Variants in LRRC27 observed in about 807,000 individuals in gnomAD.
LRRC27 encodes the protein leucine rich repeat containing 27.
A neutral mutation model predicts 55.0 loss-of-function variants in LRRC27; 57 were observed. That is an observed-to-expected ratio of 1.04 (90% CI 0.84 to 1.29). LRRC27 has a LOEUF of 1.29. Ranked by LOEUF, LRRC27 falls within the 50% of genes most tolerant of loss-of-function variation. The pLI, the probability that LRRC27 is intolerant of heterozygous loss-of-function variation, is 0.00. For missense variants in LRRC27, 721 were observed against 651.5 expected (o/e 1.11, Z -1.16); for synonymous variants, 278 against 251.9 (o/e 1.10, Z -0.98).
chr10:132,331,004 C>A (rs1214527115), upstream of LRRC27, among the ~76,000 whole-genome samples: 2 of 150,900 alleles, frequency 1.3e-5, no homozygotes, highest in Non-Finnish European at 3.0e-5. Context: ...AGATCGAGAC[C>A]AGCCTGGCCA....
chr10:132,355,753 G>T, intron 7 of LRRC27, 37 bp from the exon 8 acceptor site: 1 of 1,452,386 alleles, frequency 6.9e-7, no homozygotes, highest in Non-Finnish European at 9.5e-7. Context: ...GCTCGAAGCT[G>T]CCTGTAACTT....
At chr10:132,364,843 C>CTTACACCCACGCTTACATCTA (rs1564855237) in intron 9 of LRRC27, among the ~76,000 whole-genome samples, 6 of 115,374 alleles carry the variant, frequency 5.2e-5, no homozygotes, top group African/African-American at 5.8e-5. Flanking sequence ...CACGCCCACA[C>CTTACACCCACGCTTACATCTA]CCTGGGGCCC....
intron 2 of LRRC27, among the ~76,000 whole-genome samples, chr10:132,335,673 A>G (rs1590587837): frequency 6.6e-6 from 1 of 151,838 alleles, no homozygotes; most frequent in African/African-American, 2.4e-5. Flanking sequence ...GCAGAGTACT[A>G]TAGGGTCGCA....
rs1405428435 is a variant in LRRC27 at position 132,375,051 on chromosome 10, C to T, written c.1417-15C>T. ...CCAGCCTTTCTAACATCTCCCCCTC[C>T]TTGTCTCCCATAAGGCCACAGAGCT... is the stretch of plus-strand genomic sequence containing the variant. On this transcript the variant is annotated splice_polypyrimidine_tract_variant and intron_variant, in intron 10 of 10. Transcript: ENST00000368614. The T allele has an allele frequency of 1.1e-5, 18 of 1,598,876 alleles. No homozygotes were observed. Among genetic ancestry groups the T allele is most frequent in the Non-Finnish European group, 1.5e-5 (18 of 1,169,704 alleles).
chr10:132,346,155 G>A (rs1246507585), intron 5 of LRRC27, among the ~76,000 whole-genome samples: 1 of 152,204 alleles, frequency 6.6e-6, no homozygotes, highest in Non-Finnish European at 1.5e-5. Flanking sequence ...AGGCTCATGG[G>A]GGCAGCAGCC....
rs372177545 is a variant in LRRC27 at position 132,335,435 on chromosome 10, G to T, written c.210+1701G>T. On this transcript the variant is annotated intron_variant, in intron 2 of 10. Transcript: ENST00000368614. Reference sequence around the variant, plus strand: ...TTGGTTGTTGGGTAGGGGCTGTAGGGCACAGGTTCCTCCCCCAGATCCTCA... The same window carrying T: ...TTGGTTGTTGGGTAGGGGCTGTAGGTCACAGGTTCCTCCCCCAGATCCTCA... Among the ~76,000 whole-genome samples the T allele has an allele frequency of 6.6e-5, 10 of 150,656 alleles. No individual in the cohort carries two copies. The East Asian group carries it at 1.4e-3, about 21-fold the overall frequency.
At chr10:132,365,090 C>T (rs1476234903) in intron 9 of LRRC27, among the ~76,000 whole-genome samples, 1 of 152,252 alleles carries the variant, frequency 6.6e-6, no homozygotes, top group Non-Finnish European at 1.5e-5. Flanking sequence ...CTGCTTTTCC[C>T]TTCATGTGGT....
intron 4 of LRRC27, 136 bp downstream of exon 4, chr10:132,342,407 G>C (rs900487415): frequency 3.2e-6 from 2 of 616,422 alleles, no homozygotes; most frequent in African/African-American, 3.7e-5. Context: ...CTAGGACCAA[G>C]ATAATGTAGC....
rs569323640 is a variant in LRRC27 at position 132,367,347 on chromosome 10, G to A, written c.1416+1797G>A. Among the ~76,000 whole-genome samples, 36 of 152,268 alleles carry A rather than the reference G, an allele frequency of 2.4e-4. No homozygotes were observed. The South Asian group carries it at 5.0e-3, about 21-fold the overall frequency. The stretch of plus-strand genomic sequence containing the variant: ...TAAGGAAGAAACTATACCAATTCTC[G>A]ATAATCTCTTCCAGAAGACAGAAAC... On this transcript the variant is annotated intron_variant, in intron 10 of 10. Transcript: ENST00000368614.
At chr10:132,335,838 G>C (rs961175039) in intron 2 of LRRC27, among the ~76,000 whole-genome samples, 2 of 152,176 alleles carry the variant, frequency 1.3e-5, no homozygotes, top group African/African-American at 2.4e-5. Context: ...AAGTAGCTGG[G>C]CAGGCTGATA....
chr10:132,355,746 C>G (rs546524850), intron 7 of LRRC27, 44 bp from the exon 8 acceptor site: 12 of 1,416,332 alleles, frequency 8.5e-6, no homozygotes, highest in Non-Finnish European at 9.8e-6. Context: ...AGCCTTGGCT[C>G]GAAGCTGCCT....
rs372891763 is a variant in LRRC27 at position 132,375,269 on chromosome 10, G to A, written c.*27G>A. 6.1e-5 allele frequency: 98 copies of A among 1,593,628 alleles called. No homozygotes were observed. Among genetic ancestry groups the A allele is most frequent in the African/African-American group, 4.4e-4 (33 of 74,382 alleles). ...ACCAGGTGGCTGGACTGATGGAGAC[G>A]TCTTCAGACAGGAGCCGCTCAGTCT... On this transcript the variant is annotated 3_prime_UTR_variant, in exon 11 of 11. Transcript: ENST00000368614.
rs904503024 is a variant in LRRC27 at position 132,375,682 on chromosome 10, T to A, written c.*440T>A. 4.5e-5 allele frequency: 7 copies of A among 154,328 alleles called. No homozygotes were observed. The highest frequency in any genetic ancestry group is 1.7e-4 in the African/African-American group (7 of 41,476). 9.6% of individuals were successfully genotyped at this position (154,328 alleles called of 1,614,324 possible). A position where few individuals can be genotyped will look rare whatever the true frequency, so the allele number is the denominator to read the frequency against. ...ACCACCTTTGGCTAGGAGGGAGGGG[T>A]GACAGCCAAAAAGGGCTTCGGGGGA... is the stretch of plus-strand genomic sequence containing the variant. On this transcript the variant is annotated 3_prime_UTR_variant, in exon 11 of 11. Coordinates refer to ENST00000368614, the MANE Select transcript of LRRC27 (RefSeq NM_030626.3).
chr10:132,362,074 G>A (rs10870295), intron 9 of LRRC27, among the ~76,000 whole-genome samples: 26,218 of 152,188 alleles, frequency 0.17, 3,177 homozygotes, highest in East Asian at 0.48. Context: ...GAGGCCAGGC[G>A]TTGACCCAGG....
chr10:132,361,070 CAG>C (rs1218993399), intron 8 of LRRC27, among the ~76,000 whole-genome samples: 2 of 152,224 alleles, frequency 1.3e-5, no homozygotes, highest in East Asian at 1.9e-4. Context: ...GCTGGAGAAA[CAG>C]ATCTGGGGCC....
chr10:132,379,160 G>A lies in LRRC27; in HGVS notation c.*3918G>A, dbSNP rs34147997. Reference sequence around the variant, plus strand: ...TTCCTCTCACCTCCGTGTTCTCGGGGAGTGCGTGGTGTCAGATCCCATCCT... The same window carrying A: ...TTCCTCTCACCTCCGTGTTCTCGGGAAGTGCGTGGTGTCAGATCCCATCCT... On this transcript the variant is annotated 3_prime_UTR_variant, in exon 11 of 11. Transcript: ENST00000368614. 0.03 allele frequency: 4,443 copies of A among 147,730 alleles called. 22 individuals carry two copies. The highest frequency in any genetic ancestry group is 0.05 in the Non-Finnish European group (3,414 of 67,738). 9.2% of individuals were successfully genotyped at this position (147,730 alleles called of 1,614,324 possible).
At position 132,381,195 on chromosome 10, in the gene LRRC27, G is replaced by A. The variant is rs1472968021; in HGVS notation, c.*5953G>A. The stretch of plus-strand genomic sequence containing the variant: ...CTGGAAAAAGCAGGCAGAAGAAGGT[G>A]GCTGAAGCTGACTGGCTGAGTCTTC... On this transcript the variant is annotated 3_prime_UTR_variant, in exon 11 of 11. Coordinates refer to ENST00000368614, the MANE Select transcript of LRRC27 (RefSeq NM_030626.3). Among the ~76,000 whole-genome samples, 18 of 152,236 alleles carry A rather than the reference G, an allele frequency of 1.2e-4. No individual in the cohort carries two copies. Among genetic ancestry groups the A allele is most frequent in the Admixed American group, 1.2e-3 (18 of 15,286 alleles).
upstream of LRRC27, chr10:132,330,555 T>TGA: frequency 1.4e-6 from 1 of 714,370 alleles, no homozygotes. Flanking sequence ...TCACCGAAGC[T>TGA]GACATTAAGT....
upstream of LRRC27, chr10:132,330,535 G>A (rs1429906132): frequency 7.0e-6 from 5 of 716,076 alleles, no homozygotes; most frequent in Non-Finnish European, 1.3e-5. Context: ...TTTGAGACAG[G>A]GTCTCGCTGT....
Sources: gnomAD v4.1 joint callset for allele counts (sites outside exome capture counted in the v4.1 genomes callset) on GRCh38, gnomAD v4.1.1 for gene constraint, MANE v1.5 for transcripts, NCBI Gene and HGNC (gene_info 2026-07-23, HGNC 2026-07-21) for gene names.